Variants in DCBLD1 observed in about 807,000 individuals in gnomAD.
The protein encoded by DCBLD1 is discoidin, CUB and LCCL domain-containing protein 1.
In DCBLD1, 57 loss-of-function variants were observed where a neutral mutation model predicts 71.5. The ratio of observed to expected loss-of-function variants is 0.80; its 90% CI spans 0.64 to 0.99. The LOEUF (loss-of-function observed/expected upper bound fraction) is 0.99, where lower values mean the gene tolerates loss of function less well. DCBLD1 is among the 50% of genes least tolerant of loss of function. DCBLD1 has a pLI of 0.00. For synonymous variants in DCBLD1, 380 were observed against 363.8 expected (o/e 1.04, Z -0.51); for missense variants, 891 against 923.5 (o/e 0.96, Z 0.46).
intron 4 of DCBLD1, among the ~76,000 whole-genome samples, chr6:117,524,560 AC>A (rs1432459022): frequency 6.6e-6 from 1 of 152,102 alleles, no homozygotes; most frequent in East Asian, 1.9e-4. Context: ...GTATTTCATA[AC>A]TAATGTAGGC....
chr6:117,547,538 T>C (rs1779306865), intron 14 of DCBLD1: 1 of 515,408 alleles, frequency 1.9e-6, no homozygotes, highest in African/African-American at 1.9e-5. Flanking sequence ...TCTGGCCATA[T>C]CAACTCTATT....
chr6:117,482,722 C>T lies in DCBLD1; in HGVS notation c.-60C>T, dbSNP rs1428685690. ...AGAGGAGGCGGCCCGGCCCGGGCAG[C>T]TGCGGCTCGGGATCCGTCGAGGGGA... On this transcript the variant is annotated 5_prime_UTR_variant, in exon 1 of 15. Transcript: ENST00000338728. 6.6e-5 allele frequency: 73 copies of T among 1,109,252 alleles called. No individual in the cohort carries two copies. The highest frequency in any genetic ancestry group is 7.7e-5 in the Non-Finnish European group (70 of 910,350). 68.7% of individuals were successfully genotyped at this position (1,109,252 alleles called of 1,614,324 possible).
intron 1 of DCBLD1, among the ~76,000 whole-genome samples, chr6:117,502,253 A>G (rs1370955544): frequency 6.6e-6 from 1 of 152,162 alleles, no homozygotes; most frequent in Non-Finnish European, 1.5e-5. Context: ...TCAGGGCTTC[A>G]TAGTAGTTTT....
At chr6:117,534,957 T>G (rs1413493392) in intron 6 of DCBLD1, among the ~76,000 whole-genome samples, 1 of 152,160 alleles carries the variant, frequency 6.6e-6, no homozygotes, top group East Asian at 1.9e-4. Flanking sequence ...GATCTCTTAT[T>G]TCTAGATCTG....
rs1002909205 is a variant in DCBLD1, at chr6:117,549,717, T to C, written c.*1278T>C. The C allele has an allele frequency of 7.1e-6, 7 of 985,348 alleles. No homozygotes were observed. The highest frequency in any genetic ancestry group is 3.5e-5 in the African/African-American group (2 of 57,234). 61.0% of individuals were successfully genotyped at this position (985,348 alleles called of 1,614,324 possible). A position where few individuals can be genotyped will look rare whatever the true frequency, so the allele number is the denominator to read the frequency against. ...TCATGGCAGACTAGCTGCTGGTTAG[T>C]GTGGAGGGGAAATGGTTTACTTTGT... On this transcript the variant is annotated 3_prime_UTR_variant, in exon 15 of 15. Coordinates refer to ENST00000338728, the MANE Select transcript of DCBLD1 (RefSeq NM_001366458.2).
chr6:117,547,998 G>A lies in DCBLD1; in HGVS notation c.1707G>A (p.Gly569=). The change falls in exon 15 of 15, where the codon GGG becomes GGA. Residue 569 remains glycine, a synonymous_variant. Coordinates refer to ENST00000338728, the MANE Select transcript of DCBLD1 (RefSeq NM_001366458.2). ...TGGACACGGATGCCGAGGAGGCAGGGGTGAGCACCGATGCCGGCGGCCACT... is the reference window on the plus strand; with the variant it reads ...TGGACACGGATGCCGAGGAGGCAGGAGTGAGCACCGATGCCGGCGGCCACT... ...RPMDTDAEEA[G]VSTDAGGHYD... is the part of the protein sequence containing the mutation. 2 of 1,550,530 alleles carry A rather than the reference G, an allele frequency of 1.3e-6. No homozygotes were observed. Among genetic ancestry groups the A allele is most frequent in the Non-Finnish European group, 1.7e-6 (2 of 1,146,918 alleles).
rs182493876 is a variant in DCBLD1, at chr6:117,557,317, G to A, written c.1615+11720G>A. Among the ~76,000 whole-genome samples the A allele has an allele frequency of 1.4e-4, 22 of 152,212 alleles. No homozygotes were observed. In the East Asian group the frequency reaches 3.1e-3, roughly 21 times the overall value. On this transcript the variant is annotated intron_variant, in intron 14 of 14. Coordinates refer to the DCBLD1 transcript ENST00000296955. ...TTCTTTTGGAGAAAATATGCCCAGTGTATATTCTTTCTCCTTTCACTTTCA... is the reference window on the plus strand; with the variant it reads ...TTCTTTTGGAGAAAATATGCCCAGTATATATTCTTTCTCCTTTCACTTTCA...
At chr6:117,497,194 A>G (rs1777501504) in intron 1 of DCBLD1, among the ~76,000 whole-genome samples, 1 of 152,174 alleles carries the variant, frequency 6.6e-6, no homozygotes, top group South Asian at 2.1e-4. Flanking sequence ...CTCCGTCTCA[A>G]AAAAAATTTA....
At chr6:117,540,359 T>C in intron 9 of DCBLD1, 1 of 263,366 alleles carries the variant, frequency 3.8e-6, no homozygotes, top group South Asian at 5.8e-5. Flanking sequence ...AGCCTTGTGC[T>C]CTTGAGGTTG....
chr6:117,569,309 C>T (rs1027115511), intron 14 of DCBLD1, among the ~76,000 whole-genome samples: 1 of 152,178 alleles, frequency 6.6e-6, no homozygotes, highest in Non-Finnish European at 1.5e-5. Flanking sequence ...TCACAGCTTT[C>T]TTTCAATCCC....
intron 4 of DCBLD1, among the ~76,000 whole-genome samples, chr6:117,522,909 A>G (rs210648): frequency 0.71 from 108,751 of 152,124 alleles, 39,970 homozygotes; most frequent in African/African-American, 0.87. Flanking sequence ...TGGGAGTCAG[A>G]CTTAAGAGCC....
At chr6:117,510,606 G>A (rs1020640370) in intron 2 of DCBLD1, among the ~76,000 whole-genome samples, 3 of 152,098 alleles carry the variant, frequency 2.0e-5, no homozygotes, top group Admixed American at 6.6e-5. Context: ...CTAATATTTA[G>A]CATCGTCTTA....
chr6:117,524,450 C>T (rs770493465), intron 4 of DCBLD1, among the ~76,000 whole-genome samples: 20 of 152,114 alleles, frequency 1.3e-4, no homozygotes, highest in Non-Finnish European at 2.8e-4. Context: ...GTTATCCACC[C>T]GCCTTGGCCT....
chr6:117,482,953 T>G, intron 1 of DCBLD1, 60 bp downstream of exon 1: 2 of 1,075,100 alleles, frequency 1.9e-6, no homozygotes, highest in Non-Finnish European at 2.2e-6. Flanking sequence ...GGCTGAGGGC[T>G]GCGGGGCGGG....
chr6:117,482,838 C>T lies in DCBLD1; in HGVS notation c.57C>T (p.Leu19=), dbSNP rs1315344516. The part of the protein sequence containing the change: ...GALARAAGRG[L]LALLLAVSAP... ...TGGCGCGGGCTGCCGGGCGGGGCCT[C>T]CTGGCTTTGCTGCTCGCGGTCTCCG... Residue 19 remains leucine (L), a synonymous_variant, in exon 1 of 15, where the codon CTC becomes CTT. Transcript: ENST00000338728. The T allele has an allele frequency of 1.7e-6, 2 of 1,176,034 alleles. No individual in the cohort carries two copies. The highest frequency in any genetic ancestry group is 2.1e-6 in the Non-Finnish European group (2 of 953,026). The allele number at this position is 1,176,034 out of a possible 1,614,324, so 72.8% of individuals were successfully genotyped here.
chr6:117,545,250 G>A (rs1362268783), intron 13 of DCBLD1, among the ~76,000 whole-genome samples: 1 of 151,978 alleles, frequency 6.6e-6, no homozygotes, highest in Non-Finnish European at 1.5e-5. Context: ...GACCTGATGA[G>A]GGCAAAATAC....
intron 2 of DCBLD1, among the ~76,000 whole-genome samples, chr6:117,504,301 T>C (rs1421426714): frequency 6.6e-6 from 1 of 152,160 alleles, no homozygotes; most frequent in Non-Finnish European, 1.5e-5. Context: ...ATTTATTGAA[T>C]AGAACAGTGA....
At chr6:117,565,921 G>A (rs1336762397) in intron 14 of DCBLD1, among the ~76,000 whole-genome samples, 1 of 152,136 alleles carries the variant, frequency 6.6e-6, no homozygotes, top group Non-Finnish European at 1.5e-5. Context: ...TTTGTTCAGT[G>A]TGCAGAGTAA....
chr6:117,490,776 T>C (rs189482574), intron 1 of DCBLD1, among the ~76,000 whole-genome samples: 1 of 152,298 alleles, frequency 6.6e-6, no homozygotes, highest in Admixed American at 6.5e-5. Flanking sequence ...GTTCAACATA[T>C]TTACATTTAC....
Sources: allele counts gnomAD v4.1 joint callset (sites outside exome capture counted in the v4.1 genomes callset), GRCh38; gene constraint gnomAD v4.1.1; transcripts MANE v1.5; gene names NCBI Gene and HGNC (gene_info 2026-07-23, HGNC 2026-07-21).